Variants in FERMT1 observed in about 807,000 individuals in gnomAD.
FERMT1 encodes the protein fermitin family homolog 1.
Under a neutral mutation model 85.3 loss-of-function variants are expected in FERMT1, and 60 were observed. The observed-to-expected ratio is 0.70, with a 90% CI of 0.57 to 0.87. FERMT1 has a LOEUF of 0.87. Ranked by LOEUF, FERMT1 falls within the 40% of genes least tolerant of loss-of-function variation. The probability of loss-of-function intolerance (pLI) is 0.00; values close to 1 mark genes in which losing one functional copy is unlikely to be tolerated. For synonymous variants in FERMT1, 275 were observed against 301.1 expected, an observed-to-expected ratio of 0.91 and a Z score of 0.90; for missense variants, 701 against 818.9, an observed-to-expected ratio of 0.86 and a Z score of 1.76.
At chr20:6,119,279 G>A (rs1983196309) in intron 2 of FERMT1, 125 bp downstream of exon 2, 1 of 980,764 alleles carries the variant, frequency 1.0e-6, no homozygotes, top group Admixed American at 1.8e-5. Context: ...CTGGGATGAG[G>A]GGTGGGGGAT....
chr20:6,089,570 T>C (rs1334111139), intron 9 of FERMT1, among the ~76,000 whole-genome samples: 1 of 152,232 alleles, frequency 6.6e-6, no homozygotes, highest in African/African-American at 2.4e-5. Context: ...GCTGTCGATA[T>C]GGACAGCCCA....
chr20:6,094,874 C>T lies in FERMT1; in HGVS notation c.1139+65G>A, dbSNP rs899950974. 3.2e-5 allele frequency: 30 copies of T among 926,446 alleles called. 2 individuals are homozygous for T. The South Asian group carries it at 3.2e-4, about 10-fold the overall frequency. The allele number at this position is 926,446 out of a possible 1,614,324, so 57.4% of individuals were successfully genotyped here. ...GCCTCAGGGATATATAATTTAAACT[C>T]CTGCACTCTTTATCTTCAAGACTTT... On this transcript the variant is annotated intron_variant, in intron 9 of 14. Coordinates refer to ENST00000217289, the MANE Select transcript of FERMT1 (RefSeq NM_017671.5).
intron 8 of FERMT1, 62 bp from the exon 9 acceptor site, chr20:6,095,050 C>T (rs1982465327): frequency 2.3e-6 from 2 of 878,676 alleles, no homozygotes; most frequent in Non-Finnish European, 3.9e-6. Flanking sequence ...GATACTCAAC[C>T]TGCACTGTCT....
chr20:6,115,924 G>C lies in FERMT1; in HGVS notation c.272C>G (p.Thr91Ser). The change falls in exon 3 of 15, where the codon ACC (threonine) becomes AGC (serine). Residue 91 changes from threonine (T) to serine (S), a missense_variant. Thr to Ser is a moderately conservative substitution (Grantham distance 58, BLOSUM62 1). Transcript: ENST00000217289. ...AAGGCGCAGCATTTTATGCTGAGGG[G>C]TGAAGAGAAGCTTTGCATCTGCCTG... is the stretch of plus-strand genomic sequence containing the variant. Reference protein sequence around the residue: ...GVQADAKLLFTPQHKMLRLRL... With the variant: ...GVQADAKLLFSPQHKMLRLRL... 6.2e-7 allele frequency: 1 copy of C among 1,614,168 alleles called. No individual in the cohort carries two copies. Among genetic ancestry groups the C allele is most frequent in the Non-Finnish European group, 8.5e-7 (1 of 1,180,002 alleles).
intron 2 of FERMT1, among the ~76,000 whole-genome samples, chr20:6,118,934 CA>C (rs1306037755): frequency 6.6e-6 from 1 of 151,614 alleles, no homozygotes; most frequent in Non-Finnish European, 1.5e-5. Context: ...AGCTTGCCAC[CA>C]AAGACTCAAG....
chr20:6,091,769 T>G (rs984349478), intron 9 of FERMT1, among the ~76,000 whole-genome samples: 6 of 152,086 alleles, frequency 3.9e-5, no homozygotes, highest in Non-Finnish European at 5.9e-5. Context: ...GCCTGGAAGT[T>G]TTGTCATCTT....
chr20:6,120,814 C>T lies in FERMT1; in HGVS notation c.-18-1242G>A, dbSNP rs1453072115. Among the ~76,000 whole-genome samples the T allele has an allele frequency of 2.6e-5, 4 of 152,192 alleles. No homozygotes were observed. In the East Asian group the frequency reaches 5.8e-4, roughly 22 times the overall value. ...TCAGCAGGTCTAGGGAGGGGCCATA[C>T]ATTTCTTAACAGGCTCCAGATGTTG... On this transcript the variant is annotated intron_variant, in intron 1 of 14. Transcript: ENST00000217289.
intron 13 of FERMT1, among the ~76,000 whole-genome samples, chr20:6,081,505 G>T (rs1981996844): frequency 6.6e-6 from 1 of 152,110 alleles, no homozygotes; most frequent in Non-Finnish European, 1.5e-5. Context: ...GGCGACCAAT[G>T]GACTCAGCAA....
At chr20:6,106,946 C>T (rs1476483537) in intron 6 of FERMT1, among the ~76,000 whole-genome samples, 1 of 152,110 alleles carries the variant, frequency 6.6e-6, no homozygotes, top group African/African-American at 2.4e-5. Flanking sequence ...GCCTGTAATC[C>T]CAGCACTTTG....
intron 2 of FERMT1, among the ~76,000 whole-genome samples, chr20:6,118,445 C>G (rs1411482049): frequency 6.6e-6 from 1 of 151,962 alleles, no homozygotes; most frequent in African/African-American, 2.4e-5. Flanking sequence ...ATTTCGTGAT[C>G]TGAGTGGTTA....
intron 6 of FERMT1, among the ~76,000 whole-genome samples, chr20:6,102,456 C>A (rs1982682980): frequency 6.6e-6 from 1 of 151,938 alleles, no homozygotes; most frequent in Non-Finnish European, 1.5e-5. Context: ...GCAGGAGGAT[C>A]TCTTGAGGTC....
rs538093137 is a variant in FERMT1, at chr20:6,113,241, C to T, written c.386-618G>A. ...ACGTGACTTGCTCCTCCTTGCCTTC[C>T]TCCATGATTGTGAGGCCTCCCCAGC... On this transcript the variant is annotated intron_variant, in intron 3 of 14. Transcript: ENST00000217289. 4.2e-3 allele frequency among the ~76,000 whole-genome samples: 642 copies of T among 152,290 alleles called. 3 individuals are homozygous for T. Among genetic ancestry groups the T allele is most frequent in the Middle Eastern group, 0.01 (3 of 294 alleles).
At chr20:6,077,468 C>A in intron 14 of FERMT1, 122 bp from the exon 15 acceptor site, 1 of 857,056 alleles carries the variant, frequency 1.2e-6, no homozygotes, top group Non-Finnish European at 1.9e-6. Flanking sequence ...GGATATCCCT[C>A]TAAAACACAC....
chr20:6,108,923 TC>T (rs1302041799), intron 5 of FERMT1, among the ~76,000 whole-genome samples: 1 of 152,090 alleles, frequency 6.6e-6, no homozygotes, highest in Admixed American at 6.5e-5. Context: ...CAATGCCAGC[TC>T]TGTATTACTG....
chr20:6,093,584 T>C (rs2123113546), intron 9 of FERMT1, among the ~76,000 whole-genome samples: 1 of 152,344 alleles, frequency 6.6e-6, no homozygotes, highest in East Asian at 1.9e-4. Context: ...TGGATTCAAA[T>C]TGTTACTTTT....
At position 6,097,644 on chromosome 20, in the gene FERMT1, A is replaced by T. The variant is rs1158178779; in HGVS notation, c.850-13T>A. 1 of 1,553,528 alleles carries T rather than the reference A, an allele frequency of 6.4e-7. No homozygotes were observed. The highest frequency in any genetic ancestry group is 8.9e-7 in the Non-Finnish European group (1 of 1,124,978). On this transcript the variant is annotated splice_polypyrimidine_tract_variant and intron_variant, in intron 6 of 14. Coordinates refer to ENST00000217289, the MANE Select transcript of FERMT1 (RefSeq NM_017671.5). ...GGACAGCATCATACTAGAGACAAAA[A>T]CAGAGGTGTGTGTGTAATGAGGTAT...
chr20:6,088,561 G>C (rs1982251932), intron 10 of FERMT1, among the ~76,000 whole-genome samples: 1 of 151,870 alleles, frequency 6.6e-6, no homozygotes, highest in Admixed American at 6.6e-5. Flanking sequence ...GGTTCTGGTG[G>C]TTCCTCTAGA....
In FERMT1 at chr20:6,104,123, A is replaced by G. The variant is rs1982737690; in HGVS notation, c.849+3409T>C. Among the ~76,000 whole-genome samples the G allele has an allele frequency of 6.6e-6, 1 of 152,102 alleles. No homozygotes were observed. The highest frequency in any genetic ancestry group is 2.1e-4 in the South Asian group (1 of 4,822). ...TAACCTCAGGCGATCCACCCGCCTC[A>G]GCCTCCCAAAGTACTGTGATTACAG... On this transcript the variant is annotated intron_variant, in intron 6 of 14. Coordinates refer to ENST00000217289, the MANE Select transcript of FERMT1 (RefSeq NM_017671.5). This position sits in a 1 kb window ranked among gnomAD's most constrained non-coding sequence, Gnocchi z 4.2.
intron 1 of FERMT1, 107 bp downstream of exon 1, chr20:6,122,667 G>C (rs1000401665): frequency 6.6e-6 from 1 of 152,230 alleles, no homozygotes; most frequent in Non-Finnish European, 1.5e-5. Context: ...AGCTATTTAA[G>C]TACAAGAGGC....
Sources: gnomAD v4.1 joint callset for allele counts (sites outside exome capture counted in the v4.1 genomes callset) on GRCh38, gnomAD v4.1.1 for gene constraint, Gnocchi (gnomAD v3.1) non-coding constraint, MANE v1.5 for transcripts, NCBI Gene and HGNC (gene_info 2026-07-23, HGNC 2026-07-21) for gene names.